RNF11: variants seen among roughly 807,000 people sequenced by gnomAD.
RNF11 encodes the protein ring finger protein 11.
RNF11 carries 4 observed loss-of-function variants against 15.8 expected under a neutral mutation model. The ratio of observed to expected loss-of-function variants is 0.25; its 90% CI spans 0.12 to 0.58. The LOEUF is 0.58. RNF11 is among the 20% of genes least tolerant of loss of function. The probability of loss-of-function intolerance (pLI) is 0.91; values close to 1 mark genes in which losing one functional copy is unlikely to be tolerated. For synonymous variants in RNF11, 68 were observed against 72.3 expected (o/e 0.94, Z 0.30); for missense variants, 139 against 194.4 (o/e 0.71, Z 1.70).
intron 1 of RNF11, chr1:51,265,853 CT>C (rs34187618): frequency 0.88 from 123,586 of 139,974 alleles, 55,725 homozygotes; most frequent in East Asian, 0.99. Context: ...CCTTACAATA[CT>C]TTTTTTTTTT....
intron 1 of RNF11, among the ~76,000 whole-genome samples, chr1:51,254,972 A>T (rs554979045): frequency 6.6e-6 from 1 of 152,194 alleles, no homozygotes; most frequent in Non-Finnish European, 1.5e-5. Context: ...TCTTTTCATT[A>T]TAGGCTCTTT....
intron 1 of RNF11, among the ~76,000 whole-genome samples, chr1:51,243,315 T>G (rs1646838554): frequency 6.6e-6 from 1 of 152,226 alleles, no homozygotes; most frequent in East Asian, 1.9e-4. Context: ...ATCATAATTG[T>G]CCTCATCAGT....
intron 1 of RNF11, among the ~76,000 whole-genome samples, chr1:51,245,101 C>G (rs1048961360): frequency 1.3e-5 from 2 of 152,192 alleles, no homozygotes; most frequent in African/African-American, 4.8e-5. Context: ...TACTCTGTTG[C>G]CTAGGCTGAA....
chr1:51,253,559 TAAAG>T (rs1646890950), intron 1 of RNF11, among the ~76,000 whole-genome samples: 1 of 145,636 alleles, frequency 6.9e-6, no homozygotes, highest in Non-Finnish European at 1.5e-5. Flanking sequence ...GGAAACGAAA[TAAAG>T]AATAGAAGGA....
At chr1:51,255,596 G>C (rs953096181) in intron 1 of RNF11, among the ~76,000 whole-genome samples, 6 of 152,228 alleles carry the variant, frequency 3.9e-5, no homozygotes, top group Admixed American at 1.3e-4. Context: ...AAGCACAAAA[G>C]TGATTAATCC....
At chr1:51,266,572 G>A (rs1370612268) in intron 1 of RNF11, among the ~76,000 whole-genome samples, 1 of 151,810 alleles carries the variant, frequency 6.6e-6, no homozygotes, top group Non-Finnish European at 1.5e-5. Flanking sequence ...AAGCGATCCT[G>A]CTGCCTCAGT....
chr1:51,250,943 G>C, intron 1 of RNF11: 2 of 1,235,124 alleles, frequency 1.6e-6, no homozygotes, highest in Non-Finnish European at 2.3e-6. Context: ...TGCAAGGGAC[G>C]GTGTGGGGCT....
intron 1 of RNF11, chr1:51,250,547 CA>C: frequency 5.3e-6 from 3 of 570,188 alleles, no homozygotes; most frequent in South Asian, 2.3e-5. Flanking sequence ...AGATTTGTGA[CA>C]ATTTTTTTTT....
rs1646980078 is a variant in RNF11, at chr1:51,271,822, T to C, written c.*500T>C. 1.3e-5 allele frequency: 2 copies of C among 153,082 alleles called. No individual in the cohort carries two copies. The highest frequency in any genetic ancestry group is 4.8e-5 in the African/African-American group (2 of 41,462). 9.5% of individuals were successfully genotyped at this position (153,082 alleles called of 1,614,324 possible). On this transcript the variant is annotated 3_prime_UTR_variant, in exon 3 of 3. Coordinates refer to ENST00000242719, the MANE Select transcript of RNF11 (RefSeq NM_014372.5). ...GTTTTAAGCTTGTTTGCACAGTTCT[T>C]TTTTTCCATTGGAAATGGAATTCAT...
At chr1:51,236,908 G>A (rs1286550452) in intron 1 of RNF11, 29 bp downstream of exon 1, 1 of 1,591,020 alleles carries the variant, frequency 6.3e-7, no homozygotes, top group Non-Finnish European at 8.6e-7. Flanking sequence ...TGGGGGGAGC[G>A]AGTAGAGGCA....
At position 51,236,893 on chromosome 1, in the gene RNF11, T is replaced by C. The variant is rs778574372; in HGVS notation, c.123+14T>C. 2.2e-5 allele frequency: 36 copies of C among 1,602,500 alleles called. No homozygotes were observed. The highest frequency in any genetic ancestry group is 3.4e-5 in the Admixed American group (2 of 58,510). On this transcript the variant is annotated intron_variant, in intron 1 of 2. Coordinates refer to ENST00000242719, the MANE Select transcript of RNF11 (RefSeq NM_014372.5). ...CCGCCATATCAGGTAGGGGAGGGTG[T>C]GTGTTGGGGGGAGCGAGTAGAGGCA...
intron 1 of RNF11, among the ~76,000 whole-genome samples, chr1:51,259,738 G>C (rs985620872): frequency 1.3e-5 from 2 of 152,152 alleles, no homozygotes; most frequent in African/African-American, 4.8e-5. Flanking sequence ...CTTTTCTAAA[G>C]CACTTCAGTG....
chr1:51,243,716 G>C (rs1233219080), intron 1 of RNF11, among the ~76,000 whole-genome samples: 3 of 152,234 alleles, frequency 2.0e-5, no homozygotes, highest in Non-Finnish European at 4.4e-5. Context: ...TGGGATTACA[G>C]GCGTGAGCCA....
rs779184088 is a variant in RNF11, at chr1:51,260,681, A to AT, written c.124-9266dup. The stretch of plus-strand genomic sequence containing the variant: ...GGATTCTTGCACCTACTTTTTATTG[A>AT]TTTTTTTTTCCTCATTGTCAGTTCT... On this transcript the variant is annotated intron_variant, in intron 1 of 2. Transcript: ENST00000242719. Among the ~76,000 whole-genome samples, 1,281 of 151,272 alleles carry AT rather than the reference A, an allele frequency of 8.5e-3. 14 individuals are homozygous for AT. The highest frequency in any genetic ancestry group is 9.7e-3 in the Non-Finnish European group (654 of 67,728).
chr1:51,264,530 T>C (rs527970370), intron 1 of RNF11, among the ~76,000 whole-genome samples: 18 of 151,776 alleles, frequency 1.2e-4, no homozygotes, highest in Non-Finnish European at 2.1e-4. Flanking sequence ...TCTGGCAAAA[T>C]TCAGAGAAAA....
chr1:51,267,595 CA>C lies in RNF11; in HGVS notation c.124-2360del, dbSNP rs1404487066. Among the ~76,000 whole-genome samples, 5 of 152,368 alleles carry C rather than the reference CA, an allele frequency of 3.3e-5. No individual in the cohort carries two copies. The East Asian group carries it at 9.6e-4, about 29-fold the overall frequency. ...TGCCAGAGAAGCTCATTTGGAGACT[CA>C]GTGCCCCAGGTACTGATTAGGCACC... is the stretch of plus-strand genomic sequence containing the variant. On this transcript the variant is annotated intron_variant, in intron 1 of 2. Coordinates refer to ENST00000242719, the MANE Select transcript of RNF11 (RefSeq NM_014372.5).
chr1:51,271,068 C>T, intron 2 of RNF11, 83 bp from the exon 3 acceptor site: 1 of 1,147,198 alleles, frequency 8.7e-7, no homozygotes, highest in Non-Finnish European at 1.3e-6. Context: ...CAGATTAACA[C>T]TGTCTTTAAT....
intron 1 of RNF11, among the ~76,000 whole-genome samples, chr1:51,261,151 CTG>C (rs1033176578): frequency 3.9e-5 from 6 of 152,070 alleles, no homozygotes; most frequent in East Asian, 1.9e-4. Flanking sequence ...TTAATGAACT[CTG>C]TAAGATCTAA....
At chr1:51,250,697 A>G (rs1410952403) in intron 1 of RNF11, 22 of 1,124,768 alleles carry the variant, frequency 2.0e-5, no homozygotes, top group Non-Finnish European at 2.9e-5. Flanking sequence ...GAGACTTGGT[A>G]AATACAGTCT....
Sources: gnomAD v4.1 joint callset for allele counts (sites outside exome capture counted in the v4.1 genomes callset) on GRCh38, gnomAD v4.1.1 for gene constraint, MANE v1.5 for transcripts, NCBI Gene and HGNC (gene_info 2026-07-23, HGNC 2026-07-21) for gene names.